FOXP2: variants seen among roughly 807,000 people sequenced by gnomAD.
The protein encoded by FOXP2 is forkhead box protein P2.
Under a neutral mutation model 115.8 loss-of-function variants are expected in FOXP2, and 12 were observed. The observed-to-expected ratio is 0.10, with a 90% CI of 0.07 to 0.17. FOXP2 has a LOEUF of 0.17. Among genes scored for constraint, FOXP2 ranks in the 10% least tolerant of loss-of-function variants. The pLI is 1.00. For synonymous variants in FOXP2, 328 were observed against 297.7 expected, an observed-to-expected ratio of 1.10 and a Z score of -1.05; for missense variants, 629 against 843.5, an observed-to-expected ratio of 0.75 and a Z score of 3.15.
chr7:114,271,888 A>C (rs1382526991), intron 1 of FOXP2, among the ~76,000 whole-genome samples: 1 of 126,958 alleles, frequency 7.9e-6, no homozygotes, highest in African/African-American at 3.1e-5. Context: ...ATTAATTATA[A>C]ACATTAATAT....
intron 1 of FOXP2, among the ~76,000 whole-genome samples, chr7:114,219,928 G>A (rs183318647): frequency 2.6e-5 from 4 of 151,708 alleles, no homozygotes; most frequent in Admixed American, 1.3e-4. Flanking sequence ...GTGCAGTGGC[G>A]CGATCTCGGC....
intron 1 of FOXP2, among the ~76,000 whole-genome samples, chr7:114,284,387 A>C (rs1796413822): frequency 6.6e-6 from 1 of 152,192 alleles, no homozygotes; most frequent in Non-Finnish European, 1.5e-5. Context: ...TATAGTTGCA[A>C]CAAATAATGT....
intron 2 of FOXP2, among the ~76,000 whole-genome samples, chr7:114,436,170 T>C (rs1178824647): frequency 1.3e-5 from 2 of 152,122 alleles, no homozygotes; most frequent in East Asian, 3.9e-4. Flanking sequence ...TCATTTTCTT[T>C]ATGAATTGGA....
At chr7:114,655,239 T>C (rs913309835) in intron 10 of FOXP2, among the ~76,000 whole-genome samples, 1 of 152,140 alleles carries the variant, frequency 6.6e-6, no homozygotes, top group African/African-American at 2.4e-5. Context: ...ACAGAATAAT[T>C]GTCTCATAAA....
intron 2 of FOXP2, among the ~76,000 whole-genome samples, chr7:114,330,867 C>A (rs1315719639): frequency 6.6e-6 from 1 of 152,200 alleles, no homozygotes; most frequent in African/African-American, 2.4e-5. Flanking sequence ...AGGTGCAGCA[C>A]TGTTTATAAC....
At chr7:114,290,381 C>T (rs886540389) in intron 2 of FOXP2, among the ~76,000 whole-genome samples, 1 of 151,878 alleles carries the variant, frequency 6.6e-6, no homozygotes, top group African/African-American at 2.4e-5. Flanking sequence ...TGTTTTACTT[C>T]AAGATATTCA....
intron 3 of FOXP2, among the ~76,000 whole-genome samples, chr7:114,541,935 A>G (rs1799684342): frequency 1.3e-5 from 2 of 152,126 alleles, no homozygotes; most frequent in South Asian, 4.1e-4. Context: ...TGTGAATTTT[A>G]TCTTAAGATG....
chr7:114,407,783 A>G (rs2129198008), intron 2 of FOXP2, among the ~76,000 whole-genome samples: 1 of 152,244 alleles, frequency 6.6e-6, no homozygotes, highest in South Asian at 2.1e-4. Context: ...GTATGGGTGC[A>G]TGCTTAGGAA....
intron 2 of FOXP2, among the ~76,000 whole-genome samples, chr7:114,299,146 C>A (rs1796818712): frequency 6.6e-6 from 1 of 152,080 alleles, no homozygotes; most frequent in African/African-American, 2.4e-5. Context: ...TAAAAATATA[C>A]TGCTCAAGGT....
At chr7:114,296,235 T>C (rs1796738752) in intron 2 of FOXP2, among the ~76,000 whole-genome samples, 1 of 152,210 alleles carries the variant, frequency 6.6e-6, no homozygotes. Flanking sequence ...ATAAAAACTT[T>C]TGGGACTACA....
In FOXP2 at chr7:114,164,820, A is replaced by T. The variant is rs543859913; in HGVS notation, c.-102+1732A>T. Among the ~76,000 whole-genome samples the T allele has an allele frequency of 7.2e-5, 11 of 152,300 alleles. No individual in the cohort carries two copies. In the East Asian group the frequency reaches 2.1e-3, roughly 29 times the overall value. On this transcript the variant is annotated intron_variant, in intron 1 of 17. Coordinates refer to the FOXP2 transcript ENST00000634411. ...TGCTCCCATTTATGGTTTGAGGTTG[A>T]TGAAGAATTGGAAAATAATGCCGTT...
At chr7:114,341,976 G>T (rs544645486) in intron 2 of FOXP2, among the ~76,000 whole-genome samples, 2 of 151,418 alleles carry the variant, frequency 1.3e-5, no homozygotes, top group African/African-American at 4.8e-5. Flanking sequence ...CCTGTCCGGG[G>T]ACCCAACCTT....
chr7:114,686,902 A>G (rs971051645), intron 16 of FOXP2, among the ~76,000 whole-genome samples: 1 of 152,136 alleles, frequency 6.6e-6, no homozygotes, highest in Non-Finnish European at 1.5e-5. Context: ...TCAAAGGGAC[A>G]TTAGGATTCC....
intron 2 of FOXP2, among the ~76,000 whole-genome samples, chr7:114,389,831 C>G (rs528271260): frequency 1.9e-3 from 295 of 152,100 alleles, no homozygotes; most frequent in African/African-American, 6.8e-3. Context: ...GGAGACTAGC[C>G]TGGCCAACAT....
At chr7:114,091,089 T>C (rs1799534212) in intron 1 of FOXP2, among the ~76,000 whole-genome samples, 1 of 151,920 alleles carries the variant, frequency 6.6e-6, no homozygotes, top group South Asian at 2.1e-4. Context: ...TATTCTTTCC[T>C]GTAAAATAAA....
chr7:114,133,563 T>C (rs115191005), intron 1 of FOXP2, among the ~76,000 whole-genome samples: 187 of 152,314 alleles, frequency 1.2e-3, no homozygotes, highest in African/African-American at 4.4e-3. Context: ...ACCAGTCCTA[T>C]GGTTTGGATA....
At chr7:114,176,294 T>TCTCTC (rs1554426527) in intron 1 of FOXP2, among the ~76,000 whole-genome samples, 1 of 49,404 alleles carries the variant, frequency 2.0e-5, no homozygotes, top group African/African-American at 8.0e-5. Context: ...CTTTCTTTCT[T>TCTCTC]TCTTTCTCTC....
intron 2 of FOXP2, among the ~76,000 whole-genome samples, chr7:114,381,754 A>G (rs1217551855): frequency 2.0e-5 from 3 of 151,986 alleles, no homozygotes; most frequent in Non-Finnish European, 4.4e-5. Flanking sequence ...CTAAAATTGG[A>G]GTCTTGCAAG....
At chr7:114,510,669 C>A (rs112553986) in intron 2 of FOXP2, among the ~76,000 whole-genome samples, 1 of 152,014 alleles carries the variant, frequency 6.6e-6, no homozygotes, top group Non-Finnish European at 1.5e-5. Context: ...CCATTTCATG[C>A]CAGTTAGAAT....
Sources: allele counts gnomAD v4.1 joint callset (sites outside exome capture counted in the v4.1 genomes callset), GRCh38; gene constraint gnomAD v4.1.1; transcripts MANE v1.5; gene names NCBI Gene and HGNC (gene_info 2026-07-23, HGNC 2026-07-21).